The following FARP1 variants were observed in gnomAD, a reference collection of about 807,000 sequenced individuals.
The protein encoded by FARP1 is FERM, ARH/RhoGEF and pleckstrin domain protein 1, also known as FERM, ARHGEF and pleckstrin domain-containing protein 1.
A neutral mutation model predicts 128.8 loss-of-function variants in FARP1; 52 were observed. That is an observed-to-expected ratio of 0.40 (90% CI 0.32 to 0.51). The LOEUF (loss-of-function observed/expected upper bound fraction) is 0.51, where lower values mean the gene tolerates loss of function less well. Ranked by LOEUF, FARP1 falls within the 20% of genes least tolerant of loss-of-function variation. The pLI is 0.45. For missense variants in FARP1, 1,333 were observed against 1,367.9 expected (o/e 0.97, Z 0.40); for synonymous variants, 580 against 551.8 (o/e 1.05, Z -0.72).
chr13:98,209,344 C>T (rs1391852808), intron 1 of FARP1, among the ~76,000 whole-genome samples: 7 of 151,366 alleles, frequency 4.6e-5, no homozygotes, highest in Non-Finnish European at 1.0e-4. Flanking sequence ...TAGAAGTTTC[C>T]AGGTGAAGAA....
chr13:98,433,286 A>C (rs1019743819), intron 18 of FARP1: 1 of 152,250 alleles, frequency 6.6e-6, no homozygotes, highest in African/African-American at 2.4e-5. Context: ...AATATCTAGA[A>C]TATATGGCGG....
intron 8 of FARP1, among the ~76,000 whole-genome samples, chr13:98,387,200 C>T (rs1890129413): frequency 6.6e-6 from 1 of 152,116 alleles, no homozygotes; most frequent in Non-Finnish European, 1.5e-5. Flanking sequence ...ACTTGGAAGG[C>T]TGAGGCAGGA....
At position 98,448,277 on chromosome 13, in the gene FARP1, G is replaced by A. The variant is rs778015208; in HGVS notation, c.3098G>A (p.Arg1033Gln). The change falls in exon 27 of 27, where the codon CGA becomes CAA. Residue 1033 changes from arginine to glutamine, a missense_variant. Arg to Gln is a conservative substitution (Grantham distance 43, BLOSUM62 1). This residue lies in a region of FARP1 where 1,009 missense variants were observed against 969.8 expected (regional missense o/e 1.04). Transcript: ENST00000319562. ...CGCAGTGCCACCAGCTCTGCCTCGCGACCCCACGTGTTGAGTCACAAAGAG... is the reference window on the plus strand; with the variant it reads ...CGCAGTGCCACCAGCTCTGCCTCGCAACCCCACGTGTTGAGTCACAAAGAG... ...VIRSATSSAS[R>Q]PHVLSHKESL... 41 of 1,614,024 alleles carry A rather than the reference G, an allele frequency of 2.5e-5. No individual in the cohort carries two copies. The highest frequency in any genetic ancestry group is 4.5e-5 in the East Asian group (2 of 44,894).
chr13:98,261,508 T>C (rs1883880702), intron 2 of FARP1, among the ~76,000 whole-genome samples: 1 of 151,458 alleles, frequency 6.6e-6, no homozygotes, highest in Non-Finnish European at 1.5e-5. Context: ...CTGGTATGCA[T>C]GTCTGTGTAC....
At position 98,413,660 on chromosome 13, in the gene FARP1, C is replaced by CAAAATT. The variant is rs750810280; in HGVS notation, c.1826+1639_1826+1644dup. 7.2e-5 allele frequency among the ~76,000 whole-genome samples: 11 copies of CAAAATT among 152,262 alleles called. No homozygotes were observed. In the East Asian group the frequency reaches 2.1e-3, roughly 29 times the overall value. On this transcript the variant is annotated intron_variant, in intron 16 of 26. Coordinates refer to ENST00000319562, the MANE Select transcript of FARP1 (RefSeq NM_005766.4). ...GGGTGACAGAACAAGACCCTGTCTC[C>CAAAATT]AAAATTAAAATTAAAATTCTACCAA...
At position 98,298,282 on chromosome 13, in the gene FARP1, A is replaced by T. The variant is rs78544766; in HGVS notation, c.172-45480A>T. ...GGAAGACACCATGGCTTGTGTTTAA[A>T]TACATTGCCTTGGGATCACACATCT... On this transcript the variant is annotated intron_variant, in intron 2 of 26. Coordinates refer to ENST00000319562, the MANE Select transcript of FARP1 (RefSeq NM_005766.4). 1.8e-3 allele frequency among the ~76,000 whole-genome samples: 267 copies of T among 152,352 alleles called. 2 individuals carry two copies. Among genetic ancestry groups the T allele is most frequent in the African/African-American group, 5.4e-3 (224 of 41,584 alleles).
At chr13:98,349,144 G>A (rs1486940274) in intron 3 of FARP1, among the ~76,000 whole-genome samples, 1 of 152,132 alleles carries the variant, frequency 6.6e-6, no homozygotes. Flanking sequence ...TTAAACATTC[G>A]CTTTGTCATT....
At chr13:98,288,718 G>T (rs548962146) in intron 2 of FARP1, among the ~76,000 whole-genome samples, 6 of 152,280 alleles carry the variant, frequency 3.9e-5, no homozygotes, top group African/African-American at 1.4e-4. Flanking sequence ...TGTTTTGATG[G>T]CGGTAACAGC....
chr13:98,296,569 C>G (rs574931183), intron 2 of FARP1, among the ~76,000 whole-genome samples: 3 of 152,200 alleles, frequency 2.0e-5, no homozygotes, highest in African/African-American at 7.2e-5. Flanking sequence ...GTTCAGGAAG[C>G]CTTTGCTAAT....
rs533907879 is a variant in FARP1, at chr13:98,227,102, G to A, written c.171+13689G>A. ...ACTACAGGCGCCCGCCACCATGCCC[G>A]GCTAAGTTCTTTTGTATTTTTAGTA... On this transcript the variant is annotated intron_variant, in intron 2 of 26. Transcript: ENST00000319562. Among the ~76,000 whole-genome samples, 54 of 152,104 alleles carry A rather than the reference G, an allele frequency of 3.6e-4. No homozygotes were observed. The South Asian group carries it at 7.7e-3, about 22-fold the overall frequency.
chr13:98,291,030 G>A (rs1885424074), intron 2 of FARP1, among the ~76,000 whole-genome samples: 1 of 152,096 alleles, frequency 6.6e-6, no homozygotes, highest in African/African-American at 2.4e-5. Flanking sequence ...GATTACAGTT[G>A]ATCCGTGAAC....
intron 2 of FARP1, among the ~76,000 whole-genome samples, chr13:98,237,759 C>T (rs528882450): frequency 5.9e-5 from 9 of 152,204 alleles, no homozygotes; most frequent in Non-Finnish European, 8.8e-5. Flanking sequence ...TGATATGTAG[C>T]ATAGATTGAG....
At chr13:98,390,526 T>G (rs542536896) in intron 10 of FARP1, 1 of 445,332 alleles carries the variant, frequency 2.2e-6, no homozygotes, top group South Asian at 4.4e-5. Flanking sequence ...CTGCCTTCAC[T>G]AAAGGCACAG....
intron 2 of FARP1, among the ~76,000 whole-genome samples, chr13:98,316,831 G>A (rs1310891214): frequency 2.0e-5 from 3 of 152,202 alleles, no homozygotes; most frequent in Non-Finnish European, 1.5e-5. Flanking sequence ...GAGGGTGTGT[G>A]TAGGTAGGTT....
intron 9 of FARP1, chr13:98,389,656 C>A: frequency 3.8e-6 from 1 of 259,872 alleles, no homozygotes; most frequent in Non-Finnish European, 7.3e-6. Context: ...AAATGTAAGC[C>A]AAATAAACAT....
At chr13:98,330,953 C>T (rs557507791) in intron 2 of FARP1, among the ~76,000 whole-genome samples, 2 of 152,208 alleles carry the variant, frequency 1.3e-5, no homozygotes, top group South Asian at 2.1e-4. Context: ...TTCAGGCAAG[C>T]CTCATTTCCA....
chr13:98,244,481 C>T (rs1257047423), intron 2 of FARP1: 2 of 1,613,044 alleles, frequency 1.2e-6, no homozygotes, highest in South Asian at 1.1e-5. Flanking sequence ...TTGCTCTCCT[C>T]TCTTCCCAGA....
chr13:98,153,407 A>G (rs1221088451), intron 1 of FARP1, among the ~76,000 whole-genome samples: 233 of 83,444 alleles, frequency 2.8e-3, no homozygotes, highest in African/African-American at 6.3e-3. Flanking sequence ...ATTATATATA[A>G]ATATGTATAA....
At chr13:98,365,336 A>G in intron 3 of FARP1, 59 bp from the exon 4 acceptor site, 3 of 1,313,550 alleles carry the variant, frequency 2.3e-6, no homozygotes, top group Non-Finnish European at 3.3e-6. Context: ...AAAATCTCAA[A>G]ATACTTGCAC....
Sources: allele counts gnomAD v4.1 joint callset (sites outside exome capture counted in the v4.1 genomes callset), GRCh38; gene constraint gnomAD v4.1.1; regional missense constraint gnomAD v4.1.1; transcripts MANE v1.5; gene names NCBI Gene and HGNC (gene_info 2026-07-23, HGNC 2026-07-21).